Variants in RBM44 observed in about 807,000 individuals in gnomAD.
RBM44 encodes RNA binding motif protein 44.
A neutral mutation model predicts 105.1 loss-of-function variants in RBM44; 66 were observed. That is an observed-to-expected ratio of 0.63 (90% CI 0.52 to 0.77). The LOEUF (loss-of-function observed/expected upper bound fraction) is 0.77, where lower values mean the gene tolerates loss of function less well. RBM44 is among the 30% of genes least tolerant of loss of function. The pLI is 0.00. For missense variants in RBM44, 1,122 were observed against 1,207.8 expected (o/e 0.93, Z 1.05); for synonymous variants, 365 against 417.6 (o/e 0.87, Z 1.54).
chr2:237,820,284 C>T lies in RBM44; in HGVS notation c.1846C>T (p.Gln616Ter). The T allele has an allele frequency of 1.2e-6, 2 of 1,604,378 alleles. No individual in the cohort carries two copies. Among genetic ancestry groups the T allele is most frequent in the South Asian group, 1.1e-5 (1 of 89,594 alleles). ...AELHLLNVHY[Q>*]MCRRHCCDIY... ...GCTGCACCTTTTAAATGTTCACTAT[C>T]AGATGTGTCGTCGCCATTGTTGTGA... Residue 616 changes from glutamine (Q) to a stop codon, truncating the protein, a stop_gained, in exon 5 of 16, where the codon CAG becomes TAG. Coordinates refer to ENST00000316997, the MANE Select transcript of RBM44 (RefSeq NM_001080504.3). LOFTEE classifies it high-confidence loss of function.
chr2:237,816,986 TAATCAGA>T lies in RBM44; in HGVS notation c.74-6_74del. 1 of 1,457,192 alleles carries T rather than the reference TAATCAGA, an allele frequency of 6.9e-7. No individual in the cohort carries two copies. 90.3% of individuals were successfully genotyped at this position (1,457,192 alleles called of 1,614,324 possible). A position where few individuals can be genotyped will look rare whatever the true frequency, so the allele number is the denominator to read the frequency against. On this transcript the variant is annotated splice_acceptor_variant and splice_polypyrimidine_tract_variant and coding_sequence_variant and intron_variant, in exon 3 of 16. Transcript: ENST00000316997. LOFTEE classifies it high-confidence loss of function. ...GCTGTTAATGTTTTTATCCTTTTTT[TAATCAGA>T]TAAACCTTCAAATCCAAAGAAAGAA...
At chr2:237,802,523 C>T (rs566107667) in intron 1 of RBM44, among the ~76,000 whole-genome samples, 72 of 152,206 alleles carry the variant, frequency 4.7e-4, no homozygotes, top group African/African-American at 1.4e-3. Flanking sequence ...CTGTTGTCCT[C>T]GAGTATTGTT....
chr2:237,818,909 G>C lies in RBM44; in HGVS notation c.1686G>C (p.Leu562=). The C allele has an allele frequency of 6.8e-7, 1 of 1,462,850 alleles. No homozygotes were observed. The highest frequency in any genetic ancestry group is 1.9e-4 in the Middle Eastern group (1 of 5,288). The allele number at this position is 1,462,850 out of a possible 1,614,324, so 90.6% of individuals were successfully genotyped here. A position where few individuals can be genotyped will look rare whatever the true frequency, so the allele number is the denominator to read the frequency against. Reference sequence around the variant, plus strand: ...TTAAATCATATTTTCAGGATTTCCTGGAATTAAGAAAAGCATGTGGTATCA... The same window carrying C: ...TTAAATCATATTTTCAGGATTTCCTCGAATTAAGAAAAGCATGTGGTATCA... The part of the protein sequence containing the change: ...PNGNFLNKDF[L]ELRKACGITD... Residue 562 remains leucine, a synonymous_variant, in exon 4 of 16, where the codon CTG becomes CTC. Coordinates refer to ENST00000316997, the MANE Select transcript of RBM44 (RefSeq NM_001080504.3). The surrounding 1 kb of genome is among the most constrained non-coding windows in gnomAD (Gnocchi z 4.6).
At chr2:237,813,005 A>T (rs1405807071) in intron 1 of RBM44, among the ~76,000 whole-genome samples, 1 of 152,166 alleles carries the variant, frequency 6.6e-6, no homozygotes, top group Non-Finnish European at 1.5e-5. Flanking sequence ...TTGTTGAGTT[A>T]TATTTTACTC....
intron 10 of RBM44, among the ~76,000 whole-genome samples, chr2:237,826,152 A>G (rs2061845897): frequency 1.3e-5 from 2 of 152,026 alleles, no homozygotes; most frequent in Non-Finnish European, 2.9e-5. Context: ...CTTATATATT[A>G]TTTATTATTA....
intron 15 of RBM44, among the ~76,000 whole-genome samples, chr2:237,839,986 C>T (rs1298030741): frequency 1.3e-5 from 2 of 152,056 alleles, no homozygotes; most frequent in African/African-American, 2.4e-5. Context: ...GCCAGGAATC[C>T]AAAACCAGCC....
chr2:237,827,666 G>A (rs1437370267), intron 12 of RBM44, among the ~76,000 whole-genome samples, 163 bp downstream of exon 12: 1 of 152,108 alleles, frequency 6.6e-6, no homozygotes, highest in Non-Finnish European at 1.5e-5. Context: ...GCAATCTTGA[G>A]TTGATACTGT....
intron 10 of RBM44, among the ~76,000 whole-genome samples, chr2:237,826,016 T>C (rs191999322): frequency 6.6e-6 from 1 of 152,242 alleles, no homozygotes; most frequent in Non-Finnish European, 1.5e-5. Context: ...AGCATCCTTA[T>C]CTGTAAAATG....
chr2:237,829,251 G>A lies in RBM44; in HGVS notation c.2635G>A (p.Ala879Thr). ...TCTTGCTTTTACAAAAAACAGCGATGCAAAGATAGCTGTGAAAGAAATGAA... is the reference window on the plus strand; with the variant it reads ...TCTTGCTTTTACAAAAAACAGCGATACAAAGATAGCTGTGAAAGAAATGAA... ...ASLAFTKNSDAKIAVKEMNGI... is the reference protein window; with the variant it reads ...ASLAFTKNSDTKIAVKEMNGI... Residue 879 changes from alanine (A) to threonine (T), a missense_variant, in exon 13 of 16, where the codon GCA (alanine) becomes ACA (threonine). Physicochemically the swap from Ala to Thr is moderately conservative, Grantham distance 58. This residue lies in a region of RBM44 where 194 missense variants were observed against 225.5 expected (regional missense o/e 0.86). Coordinates refer to ENST00000316997, the MANE Select transcript of RBM44 (RefSeq NM_001080504.3). 1 of 1,612,352 alleles carries A rather than the reference G, an allele frequency of 6.2e-7. No individual in the cohort carries two copies. Among genetic ancestry groups the A allele is most frequent in the East Asian group, 2.2e-5 (1 of 44,826 alleles).
chr2:237,811,011 G>A (rs2061653077), intron 1 of RBM44, among the ~76,000 whole-genome samples: 1 of 152,014 alleles, frequency 6.6e-6, no homozygotes, highest in South Asian at 2.1e-4. Flanking sequence ...AAGTGGCCAG[G>A]GAAGGTTAAG....
chr2:237,821,212 A>T lies in RBM44; in HGVS notation c.2055A>T (p.Leu685=), dbSNP rs1299155512. The T allele has an allele frequency of 6.2e-7, 1 of 1,608,612 alleles. No homozygotes were observed. Among genetic ancestry groups the T allele is most frequent in the South Asian group, 1.1e-5 (1 of 90,276 alleles). ...TGGAAGAGCTGCCCCCACTGTCACT[A>T]GAATCAAAATTATTATCTACCTTCT... is the stretch of plus-strand genomic sequence containing the variant. The part of the protein sequence containing the change: ...IPLEELPPLS[L]ESKLLSTFST... Residue 685 remains leucine, a synonymous_variant, in exon 6 of 16, where the codon CTA becomes CTT. Transcript: ENST00000316997.
chr2:237,832,594 C>T lies in RBM44; in HGVS notation c.2887-1403C>T, dbSNP rs927920071. On this transcript the variant is annotated intron_variant, in intron 13 of 15. Transcript: ENST00000316997. ...GGGAGAGAGACGTTATAAAGAGGGC[C>T]GTACAGGCTGTTGGTAGGAGTATGT... Among the ~76,000 whole-genome samples the T allele has an allele frequency of 7.2e-5, 11 of 152,282 alleles. No homozygotes were observed. In the South Asian group the frequency reaches 1.5e-3, roughly 20 times the overall value.
Position 237,831,803 on chromosome 2 carries a change from T to G in RBM44, c.2887-2194T>G, listed in dbSNP as rs564411905. The stretch of plus-strand genomic sequence containing the variant: ...ACACTGTTCATCCCTTTCTTGAAAC[T>G]TTTCCTTTCATCTCAGTGACCCTTC... On this transcript the variant is annotated intron_variant, in intron 13 of 15. Transcript: ENST00000316997. Among the ~76,000 whole-genome samples, 3 of 152,304 alleles carry G rather than the reference T, an allele frequency of 2.0e-5. No homozygotes were observed. In the East Asian group the frequency reaches 5.8e-4, roughly 29 times the overall value.
Position 237,834,171 on chromosome 2 carries a change from T to C in RBM44, c.3032+29T>C, listed in dbSNP as rs1201558781. On this transcript the variant is annotated intron_variant, in intron 14 of 15. Transcript: ENST00000316997. ...ATAACCAAAATTATATTTTAACTGC[T>C]TTAAAACTTCTGTGTAAAAATATAG... 2.0e-6 allele frequency: 3 copies of C among 1,536,606 alleles called. No homozygotes were observed. In the South Asian group the frequency reaches 3.7e-5, roughly 19 times the overall value.
At chr2:237,826,395 A>G (rs1003752266) in intron 10 of RBM44, among the ~76,000 whole-genome samples, 4 of 152,150 alleles carry the variant, frequency 2.6e-5, no homozygotes, top group Non-Finnish European at 5.9e-5. Flanking sequence ...GAAATTTTTT[A>G]TCAAGAAAAA....
chr2:237,820,869 A>G (rs1022159892), intron 5 of RBM44: 5 of 448,482 alleles, frequency 1.1e-5, no homozygotes, highest in Admixed American at 8.0e-5. Context: ...GCAACATAAT[A>G]GGACCCCCGT....
Position 237,834,087 on chromosome 2 carries a change from C to CGAAG in RBM44, c.2978_2979insAAGG (p.Ser994ArgfsTer2). On this transcript the variant is annotated frameshift_variant, in exon 14 of 16. Transcript: ENST00000316997. LOFTEE classifies it high-confidence loss of function. ...CATACCTCCAAATACATTGAACCTT[C>CGAAG]GTAGCTTTACCAAGATCATAAAGAG... The CGAAG allele has an allele frequency of 1.3e-6, 2 of 1,582,032 alleles. No individual in the cohort carries two copies. Among genetic ancestry groups the CGAAG allele is most frequent in the Non-Finnish European group, 1.7e-6 (2 of 1,161,950 alleles).
intron 12 of RBM44, among the ~76,000 whole-genome samples, chr2:237,828,822 C>T (rs2061874966): frequency 6.7e-6 from 1 of 149,144 alleles, no homozygotes; most frequent in Non-Finnish European, 1.5e-5. Context: ...TTGCCTCTCA[C>T]ATTTAAGCCT....
chr2:237,827,767 A>G (rs1461766269), intron 12 of RBM44, among the ~76,000 whole-genome samples: 1 of 152,136 alleles, frequency 6.6e-6, no homozygotes, highest in African/African-American at 2.4e-5. Context: ...ATCTTGCTAC[A>G]TGCCACTTCA....
Sources: gnomAD v4.1 joint callset for allele counts (sites outside exome capture counted in the v4.1 genomes callset) on GRCh38, gnomAD v4.1.1 for gene constraint, gnomAD v4.1.1 regional missense constraint, Gnocchi (gnomAD v3.1) non-coding constraint, MANE v1.5 for transcripts, NCBI Gene and HGNC (gene_info 2026-07-23, HGNC 2026-07-21) for gene names.